Variants in LIN9 observed in about 807,000 individuals in gnomAD.
LIN9 encodes lin-9 DREAM MuvB core complex component, also known as protein lin-9 homolog.
In LIN9, 18 loss-of-function variants were observed where a neutral mutation model predicts 78.0. That is an observed-to-expected ratio of 0.23 (90% CI 0.16 to 0.34). The LOEUF is 0.34. Ranked by LOEUF, LIN9 falls within the 10% of genes least tolerant of loss-of-function variation. The pLI, the probability that LIN9 is intolerant of heterozygous loss-of-function variation, is 1.00. For missense variants in LIN9, 451 were observed against 644.1 expected (o/e 0.70, Z 3.25); for synonymous variants, 192 against 215.2 (o/e 0.89, Z 0.94).
At chr1:226,309,688 C>A (rs2666424), upstream of LIN9, 21,761 of 1,283,372 alleles carry the variant, frequency 0.017, 255 homozygotes, top group Middle Eastern at 0.047. Context: ...GACCGCCGGC[C>A]GCAGCAGCCC....
chr1:226,232,805 G>C (rs1372080488), intron 14 of LIN9, 199 bp from the exon 15 acceptor site: 1 of 500,040 alleles, frequency 2.0e-6, no homozygotes, highest in South Asian at 3.4e-5. Flanking sequence ...AGGAGCCACG[G>C]GGGGCTGGAA....
chr1:226,255,948 A>C (rs1268680422), intron 10 of LIN9, among the ~76,000 whole-genome samples: 1 of 152,214 alleles, frequency 6.6e-6, no homozygotes, highest in East Asian at 1.9e-4. Flanking sequence ...TCTGAAATAT[A>C]ATGAATGAGA....
intron 4 of LIN9, among the ~76,000 whole-genome samples, chr1:226,292,372 C>A (rs1661846949): frequency 6.6e-6 from 1 of 152,132 alleles, no homozygotes; most frequent in East Asian, 1.9e-4. Flanking sequence ...GTTGCCCAGG[C>A]CAGTCTGGAA....
intron 10 of LIN9, among the ~76,000 whole-genome samples, chr1:226,253,814 C>T (rs1237228251): frequency 6.6e-6 from 1 of 151,996 alleles, no homozygotes; most frequent in African/African-American, 2.4e-5. Context: ...ACTCAGAAGG[C>T]TGAGGCAGGA....
intron 7 of LIN9, among the ~76,000 whole-genome samples, chr1:226,271,679 G>T (rs377625845): frequency 2.6e-4 from 39 of 152,214 alleles, no homozygotes; most frequent in African/African-American, 8.7e-4. Context: ...TGGAAGTGAG[G>T]TGTTAAAATC....
At chr1:226,234,880 C>T (rs538179893) in intron 12 of LIN9, among the ~76,000 whole-genome samples, 2 of 147,316 alleles carry the variant, frequency 1.4e-5, no homozygotes, top group East Asian at 4.0e-4. Flanking sequence ...AAACCTGGCT[C>T]GCGTTATCCT....
intron 12 of LIN9, among the ~76,000 whole-genome samples, chr1:226,234,817 C>T (rs1008064095): frequency 6.6e-5 from 10 of 151,966 alleles, no homozygotes; most frequent in Admixed American, 1.3e-4. Flanking sequence ...TCTAATGCCA[C>T]AGGGTTCACT....
chr1:226,294,673 T>C (rs1662018445), intron 4 of LIN9, among the ~76,000 whole-genome samples: 1 of 152,204 alleles, frequency 6.6e-6, no homozygotes, highest in Admixed American at 6.5e-5. Context: ...TATAAGGCTT[T>C]GGAAAATAAT....
intron 10 of LIN9, among the ~76,000 whole-genome samples, chr1:226,254,865 C>A (rs1445615191): frequency 6.9e-6 from 1 of 144,366 alleles, no homozygotes; most frequent in East Asian, 2.1e-4. Flanking sequence ...GAGCTGAGAT[C>A]GTGCCACTAC....
intron 1 of LIN9, among the ~76,000 whole-genome samples, chr1:226,306,621 A>C (rs1374487495): frequency 6.6e-6 from 1 of 152,220 alleles, no homozygotes; most frequent in Non-Finnish European, 1.5e-5. Flanking sequence ...TGAAGATTAA[A>C]TGAGCAAATA....
intron 10 of LIN9, among the ~76,000 whole-genome samples, chr1:226,261,950 A>G (rs1174225319): frequency 6.6e-6 from 1 of 152,238 alleles, no homozygotes; most frequent in African/African-American, 2.4e-5. Flanking sequence ...CAGAATAGAG[A>G]GCCCAGAAAT....
Position 226,297,740 on chromosome 1 carries a change from A to G in LIN9, c.138T>C (p.Asn46=), listed in dbSNP as rs1162601791. 6.3e-7 allele frequency: 1 copy of G among 1,587,480 alleles called. No individual in the cohort carries two copies. Among genetic ancestry groups the G allele is most frequent in the Non-Finnish European group, 8.6e-7 (1 of 1,169,446 alleles). The change falls in exon 3 of 15, where the codon AAT becomes AAC. Residue 46 remains asparagine (N), a synonymous_variant. Transcript: ENST00000681046. ...LQKTPVWKGR[N]TSSAVEMPFR... is the part of the protein sequence containing the mutation. ...TTACCATTTCCACAGCAGAGCTTGT[A>G]TTCCTGCCTTTCCAAACAGGTGTTT... is the stretch of plus-strand genomic sequence containing the variant.
At chr1:226,280,125 C>T (rs908626015) in intron 6 of LIN9, among the ~76,000 whole-genome samples, 2 of 152,144 alleles carry the variant, frequency 1.3e-5, no homozygotes, top group Admixed American at 6.5e-5. Context: ...ATTTCTAGAG[C>T]CTATCTTCCT....
rs1257022055 is a variant in LIN9 at position 226,231,650 on chromosome 1, T to C, written c.*851A>G. On this transcript the variant is annotated 3_prime_UTR_variant, in exon 15 of 15. Transcript: ENST00000681046. ...TTTTTACTTTATAAATTGTGTACTG[T>C]TGGATTTTAACCAGTAATCTGGTTT... 1.3e-5 allele frequency: 2 copies of C among 152,606 alleles called. No individual in the cohort carries two copies. Among genetic ancestry groups the C allele is most frequent in the African/African-American group, 4.8e-5 (2 of 41,458 alleles). The allele number at this position is 152,606 out of a possible 1,614,324, so 9.5% of individuals were successfully genotyped here.
intron 7 of LIN9, among the ~76,000 whole-genome samples, chr1:226,270,502 T>C (rs1024891766): frequency 2.0e-5 from 3 of 152,054 alleles, no homozygotes; most frequent in Non-Finnish European, 4.4e-5. Flanking sequence ...GAGAGAGATA[T>C]TTAGCAAAGA....
At chr1:226,258,953 G>A (rs1291650776) in intron 10 of LIN9, among the ~76,000 whole-genome samples, 1 of 129,750 alleles carries the variant, frequency 7.7e-6, no homozygotes, top group Non-Finnish European at 1.6e-5. Context: ...AGGGGTCAAT[G>A]TTCCAAGAAG....
chr1:226,282,558 C>T (rs1303625610), intron 6 of LIN9, among the ~76,000 whole-genome samples: 1 of 152,172 alleles, frequency 6.6e-6, no homozygotes, highest in Non-Finnish European at 1.5e-5. Context: ...CGGTGGCTCA[C>T]GCCTGTGATC....
intron 14 of LIN9, 50 bp from the exon 15 acceptor site, chr1:226,232,656 A>G: frequency 8.1e-7 from 1 of 1,240,580 alleles, no homozygotes; most frequent in Non-Finnish European, 1.1e-6. Flanking sequence ...AAAATTAAGA[A>G]AAAAATTTTT....
intron 1 of LIN9, among the ~76,000 whole-genome samples, chr1:226,302,383 AAC>A (rs1210950373): frequency 6.6e-6 from 1 of 152,152 alleles, no homozygotes; most frequent in Non-Finnish European, 1.5e-5. Context: ...CTCTACTAAA[AAC>A]ACAAAAAATT....
Sources: gnomAD v4.1 joint callset for allele counts (sites outside exome capture counted in the v4.1 genomes callset) on GRCh38, gnomAD v4.1.1 for gene constraint, MANE v1.5 for transcripts, NCBI Gene and HGNC (gene_info 2026-07-23, HGNC 2026-07-21) for gene names.